The following SCLY variants were observed in gnomAD, a reference collection of about 807,000 sequenced individuals.
The protein encoded by SCLY is selenocysteine lyase, also known as putative selenocysteine lyase.
In SCLY, 38 loss-of-function variants were observed where a neutral mutation model predicts 50.1. The observed-to-expected ratio is 0.76, with a 90% CI of 0.59 to 0.99. SCLY has a LOEUF of 0.99. Ranked by LOEUF, SCLY falls within the 50% of genes least tolerant of loss-of-function variation. SCLY has a pLI of 0.00. For missense variants in SCLY, 600 were observed against 620.0 expected (o/e 0.97, Z 0.34); for synonymous variants, 243 against 249.4 (o/e 0.97, Z 0.24).
chr2:238,091,385 C>G (rs921605832), intron 8 of SCLY, 131 bp downstream of exon 8: 8 of 807,368 alleles, frequency 9.9e-6, no homozygotes, highest in Non-Finnish European at 1.5e-5. Context: ...AAGAAAAAGC[C>G]TGGAATCTGA....
chr2:238,094,314 G>T, intron 9 of SCLY, 106 bp from the exon 10 acceptor site: 1 of 929,854 alleles, frequency 1.1e-6, no homozygotes, highest in Non-Finnish European at 1.7e-6. Context: ...TGATTGAAAA[G>T]TATGCACCTG....
chr2:238,091,551 A>AC, intron 8 of SCLY: 24 of 404,434 alleles, frequency 5.9e-5, no homozygotes, highest in Admixed American at 1.5e-4. Flanking sequence ...CAGGTTCACC[A>AC]TTCCCAAAGG....
chr2:238,068,386 A>T (rs1178895569), intron 3 of SCLY, among the ~76,000 whole-genome samples: 8 of 139,652 alleles, frequency 5.7e-5, no homozygotes, highest in African/African-American at 8.5e-5. Context: ...CCATCTCTAC[A>T]AAAAAAAAAA....
intron 4 of SCLY, among the ~76,000 whole-genome samples, chr2:238,070,544 G>A (rs558710944): frequency 1.3e-5 from 2 of 152,204 alleles, no homozygotes; most frequent in African/African-American, 4.8e-5. Flanking sequence ...GCCAGTCATG[G>A]TGGTACGTGC....
In SCLY at chr2:238,083,125, A is replaced by C; in HGVS notation, c.778-123A>C. 1 of 793,496 alleles carries C rather than the reference A, an allele frequency of 1.3e-6. No homozygotes were observed. The highest frequency in any genetic ancestry group is 2.2e-6 in the Non-Finnish European group (1 of 445,082). The allele number at this position is 793,496 out of a possible 1,614,324, so 49.2% of individuals were successfully genotyped here. On this transcript the variant is annotated intron_variant, in intron 6 of 11. Coordinates refer to ENST00000254663, the MANE Select transcript of SCLY (RefSeq NM_016510.7). The surrounding 1 kb of genome is among the most constrained non-coding windows in gnomAD (Gnocchi z 4.3). ...AAGGGGTGGCACTCAGAGGCGCCAC[A>C]AGGAAGCAGCAGGACTATGCATTGC... is the stretch of plus-strand genomic sequence containing the variant.
intron 1 of SCLY, among the ~76,000 whole-genome samples, chr2:238,063,999 A>C (rs13384319): frequency 0.05 from 7,556 of 152,238 alleles, 629 homozygotes; most frequent in African/African-American, 0.17. Flanking sequence ...TGCAGCCTCA[A>C]ACTTCTGGCC....
chr2:238,061,228 C>T (rs2065014079), intron 1 of SCLY, 85 bp downstream of exon 1: 1 of 1,054,326 alleles, frequency 9.5e-7, no homozygotes, highest in African/African-American at 1.6e-5. Context: ...GGCTCCCGGC[C>T]TGTGGCCGCT....
intron 1 of SCLY, chr2:238,061,520 C>T (rs934797195): frequency 6.3e-6 from 1 of 158,058 alleles, no homozygotes; most frequent in Non-Finnish European, 1.6e-5. Context: ...CATTCGGAGC[C>T]TTATGGGGCC....
In SCLY at chr2:238,098,646, T is replaced by TAGGACCGCCCACATGGGACCGCCCACATG. The variant is rs71043105; in HGVS notation, c.*291_*292insAGGACCGCCCACATGGGACCGCCCACATG. 2.3e-6 allele frequency: 1 copy of TAGGACCGCCCACATGGGACCGCCCACATG among 428,168 alleles called. No individual in the cohort carries two copies. The highest frequency in any genetic ancestry group is 2.0e-5 in the African/African-American group (1 of 49,236). The allele number at this position is 428,168 out of a possible 1,614,324, so 26.5% of individuals were successfully genotyped here. A position where few individuals can be genotyped will look rare whatever the true frequency, so the allele number is the denominator to read the frequency against. ...GACCGCCCACATGGGACCGCCCACA[T>TAGGACCGCCCACATGGGACCGCCCACATG]GGGACCGCCCACATAGAACCGTCCT... On this transcript the variant is annotated 3_prime_UTR_variant, in exon 12 of 12. Coordinates refer to ENST00000254663, the MANE Select transcript of SCLY (RefSeq NM_016510.7).
At chr2:238,082,342 C>A (rs1484357548) in intron 6 of SCLY, 133 bp downstream of exon 6, 6 of 889,564 alleles carry the variant, frequency 6.7e-6, no homozygotes, top group Non-Finnish European at 1.0e-5. Context: ...AACGTGGGAT[C>A]CTTGTCCTCA....
At chr2:238,091,077 G>A in intron 7 of SCLY, 141 bp from the exon 8 acceptor site, 1 of 783,120 alleles carries the variant, frequency 1.3e-6, no homozygotes, top group Non-Finnish European at 2.2e-6. Flanking sequence ...GCCTGCAGCT[G>A]CCATTGAGAT....
chr2:238,082,231 G>C, intron 6 of SCLY, 22 bp downstream of exon 6: 1 of 1,569,312 alleles, frequency 6.4e-7, no homozygotes, highest in South Asian at 1.1e-5. Context: ...GAGGCTTCCT[G>C]CCTCTGTGGG....
At chr2:238,096,146 G>A (rs7563539) in intron 10 of SCLY, 34,670 of 153,828 alleles carry the variant, frequency 0.23, 4,098 homozygotes, top group South Asian at 0.34. Context: ...GACCTCAGGC[G>A]ATCCACCCAC....
Position 238,098,984 on chromosome 2 carries a change from T to A in SCLY, c.*629T>A. On this transcript the variant is annotated 3_prime_UTR_variant, in exon 12 of 12. Transcript: ENST00000254663. ...GGCCCCCAGCCTCGGCCAGGCCTGC[T>A]CTGCTCAGCGCCCACCGCCCACCAC... 3.1e-6 allele frequency: 1 copy of A among 321,736 alleles called. No homozygotes were observed. 19.9% of individuals were successfully genotyped at this position (321,736 alleles called of 1,614,324 possible).
rs200154591 is a variant in SCLY, at chr2:238,076,527, G to GT, written c.485-5172dup. On this transcript the variant is annotated intron_variant, in intron 4 of 11. Coordinates refer to ENST00000254663, the MANE Select transcript of SCLY (RefSeq NM_016510.7). Reference sequence around the variant, plus strand: ...AAAGTATTTTCTAGTCTCCCTTGTGGTTTTTTTTTTCTATGACCCATTAGA... The same window carrying GT: ...AAAGTATTTTCTAGTCTCCCTTGTGGTTTTTTTTTTTCTATGACCCATTAGA... Among the ~76,000 whole-genome samples the GT allele has an allele frequency of 3.2e-4, 48 of 148,692 alleles. No homozygotes were observed. In the East Asian group the frequency reaches 5.1e-3, roughly 16 times the overall value.
chr2:238,098,951 T>C lies in SCLY; in HGVS notation c.*596T>C. On this transcript the variant is annotated 3_prime_UTR_variant, in exon 12 of 12. Transcript: ENST00000254663. The stretch of plus-strand genomic sequence containing the variant: ...CACCACCCTGCTCCTCTGGCCTCAG[T>C]GCACAGTGGCCCCCAGCCTCGGCCA... The C allele has an allele frequency of 3.7e-6, 1 of 268,420 alleles. No homozygotes were observed. The highest frequency in any genetic ancestry group is 7.3e-6 in the Non-Finnish European group (1 of 137,904). The allele number at this position is 268,420 out of a possible 1,614,324, so 16.6% of individuals were successfully genotyped here.
intron 7 of SCLY, among the ~76,000 whole-genome samples, chr2:238,087,584 A>C (rs1266861631): frequency 6.6e-6 from 1 of 152,242 alleles, no homozygotes; most frequent in East Asian, 1.9e-4. Flanking sequence ...TTCTTTGTTT[A>C]AAGAAGAATT....
intron 7 of SCLY, among the ~76,000 whole-genome samples, chr2:238,090,981 G>T (rs557374374): frequency 6.6e-6 from 1 of 152,310 alleles, no homozygotes; most frequent in African/African-American, 2.4e-5. Flanking sequence ...CTGTCACAGT[G>T]AACACCCAAC....
chr2:238,098,175 G>C, intron 11 of SCLY, 27 bp from the exon 12 acceptor site: 2 of 1,603,804 alleles, frequency 1.2e-6, no homozygotes, highest in Non-Finnish European at 1.7e-6. Context: ...CTCAGCAGCA[G>C]CTGCAGCTCG....
Sources: allele counts gnomAD v4.1 joint callset (sites outside exome capture counted in the v4.1 genomes callset), GRCh38; gene constraint gnomAD v4.1.1; non-coding constraint Gnocchi (gnomAD v3.1); transcripts MANE v1.5; gene names NCBI Gene and HGNC (gene_info 2026-07-23, HGNC 2026-07-21).